SHROOM1: variants seen among roughly 807,000 people sequenced by gnomAD.
SHROOM1 encodes shroom family member 1.
In SHROOM1, 53 loss-of-function variants were observed where a neutral mutation model predicts 64.2. The observed-to-expected ratio is 0.83, with a 90% confidence interval of 0.66 to 1.04. SHROOM1 has a LOEUF of 1.04. Among genes scored for constraint, SHROOM1 ranks in the 50% least tolerant of loss-of-function variants. The pLI is 0.00. For missense variants in SHROOM1, 1,179 were observed against 1,163.2 expected (o/e 1.01, Z -0.20); for synonymous variants, 490 against 518.9 (o/e 0.94, Z 0.76).
rs757180276 is a variant in SHROOM1, at chr5:132,823,723, C to G, written c.1853G>C (p.Arg618Pro). ...AGGGTTTTCAAGCCTTGTCTCCTCC[C>G]GAGGAGCCGGCAGGAGCTGGGTGAA... is the stretch of plus-strand genomic sequence containing the variant. ...FSFTQLLPAP[R>P]EETRLENPAT... Residue 618 changes from arginine to proline, a missense_variant, in exon 8 of 10, where the codon CGG becomes CCG. By Grantham distance (103) the Arg-to-Pro change is moderately radical. Transcript: ENST00000378679. The surrounding 1 kb of genome is among the most constrained non-coding windows in gnomAD (Gnocchi z 4.6). The G allele has an allele frequency of 1.9e-6, 3 of 1,609,420 alleles. No homozygotes were observed. Among genetic ancestry groups the G allele is most frequent in the Admixed American group, 1.7e-5 (1 of 59,428 alleles).
chr5:132,822,616 G>T lies in SHROOM1; in HGVS notation c.*180C>A. The T allele has an allele frequency of 1.6e-6, 1 of 642,934 alleles. No homozygotes were observed. The allele number at this position is 642,934 out of a possible 1,614,324, so 39.8% of individuals were successfully genotyped here. The stretch of plus-strand genomic sequence containing the variant: ...CTGACCTTGTGATCCGCCCGCCTCG[G>T]CCTCCCAAAGTGCTGGGATTACAGG... On this transcript the variant is annotated 3_prime_UTR_variant, in exon 10 of 10. Transcript: ENST00000378679.
intron 1 of SHROOM1, among the ~76,000 whole-genome samples, chr5:132,827,987 G>C (rs1243708232): frequency 6.6e-6 from 1 of 152,130 alleles, no homozygotes; most frequent in Non-Finnish European, 1.5e-5. Context: ...TGAGGCTTGG[G>C]AAAGGGCAGT....
At position 132,824,340 on chromosome 5, in the gene SHROOM1, G is replaced by T; in HGVS notation, c.1321C>A (p.Leu441Ile). 6.2e-7 allele frequency: 1 copy of T among 1,609,300 alleles called. No individual in the cohort carries two copies. Among genetic ancestry groups the T allele is most frequent in the Non-Finnish European group, 8.5e-7 (1 of 1,177,580 alleles). ...CCTGCAGTTCCTGGACACTCATGGA[G>T]CGGGTACTCTGTGGGGACTGTAACC... The part of the protein sequence containing the change: ...GQVTVPTEYP[L>I]HECPGTAGAD... The change falls in exon 7 of 10, where the codon CTC becomes ATC. Residue 441 changes from leucine (L) to isoleucine (I), a missense_variant. Leu to Ile is a conservative substitution (Grantham distance 5). Transcript: ENST00000378679.
rs1758492885 is a variant in SHROOM1 at position 132,822,892 on chromosome 5, C to G, written c.2463G>C (p.Arg821Ser). The G allele has an allele frequency of 6.2e-7, 1 of 1,613,496 alleles. No homozygotes were observed. The highest frequency in any genetic ancestry group is 1.1e-5 in the South Asian group (1 of 91,088). ...ACGGGGCATGATGGCCAAGGTCGTC[C>G]CTGATGGCGTCCAGTTGGTCCTGAA... ...RLLQDQLDAI[R>S]DDLGHHAPSP... The change falls in exon 10 of 10, where the codon AGG becomes AGC. Residue 821 changes from arginine (R) to serine (S), a missense_variant. Transcript: ENST00000378679.
In SHROOM1 at chr5:132,824,066, C is replaced by T. The variant is rs199768056; in HGVS notation, c.1595G>A (p.Gly532Asp). The change falls in exon 7 of 10, where the codon GGT (glycine) becomes GAT (aspartate). Residue 532 changes from glycine to aspartate, a missense_variant. Coordinates refer to ENST00000378679, the MANE Select transcript of SHROOM1 (RefSeq NM_001172700.2). ...CTGACTAGGCCATGTGGGCCTGGAACCAGGCTGGCCAGTGCCCCTGGCTAG... is the reference window on the plus strand; with the variant it reads ...CTGACTAGGCCATGTGGGCCTGGAATCAGGCTGGCCAGTGCCCCTGGCTAG... ...TALARGTGQP[G>D]SRPTWPSQCL... 1 of 1,612,212 alleles carries T rather than the reference C, an allele frequency of 6.2e-7. No individual in the cohort carries two copies. The highest frequency in any genetic ancestry group is 8.5e-7 in the Non-Finnish European group (1 of 1,179,038).
In SHROOM1 at chr5:132,826,087, G is replaced by A; in HGVS notation, c.54C>T (p.Ser18=). ...GDRASPASST[S]SLDLWHLSMR... is the part of the protein sequence containing the mutation. ...TGGACAGATGCCACAGGTCCAGGCTGCTAGTGGACGAGGCCGGGGAGGCGC... is the reference window on the plus strand; with the variant it reads ...TGGACAGATGCCACAGGTCCAGGCTACTAGTGGACGAGGCCGGGGAGGCGC... Residue 18 remains serine (S), a synonymous_variant, in exon 4 of 10, where the codon AGC becomes AGT. Coordinates refer to ENST00000378679, the MANE Select transcript of SHROOM1 (RefSeq NM_001172700.2). 2.1e-6 allele frequency: 3 copies of A among 1,414,026 alleles called. No individual in the cohort carries two copies. The highest frequency in any genetic ancestry group is 2.9e-5 in the Admixed American group (1 of 34,544). The allele number at this position is 1,414,026 out of a possible 1,614,324, so 87.6% of individuals were successfully genotyped here.
Position 132,829,661 on chromosome 5 carries a change from C to T in SHROOM1, c.-501+933G>A, listed in dbSNP as rs893198090. 8.1e-6 allele frequency: 8 copies of T among 985,346 alleles called. No homozygotes were observed. The South Asian group carries it at 2.3e-4, about 29-fold the overall frequency. The allele number at this position is 985,346 out of a possible 1,614,324, so 61.0% of individuals were successfully genotyped here. On this transcript the variant is annotated intron_variant, in intron 1 of 9. Coordinates refer to ENST00000378679, the MANE Select transcript of SHROOM1 (RefSeq NM_001172700.2). ...TGGAGGGGCTATCCAGGCCGCCCCTCCCAGCGGGTCTTCCCTCAGTACTGG... is the reference window on the plus strand; with the variant it reads ...TGGAGGGGCTATCCAGGCCGCCCCTTCCAGCGGGTCTTCCCTCAGTACTGG...
chr5:132,824,881 C>A (rs928009724), intron 5 of SHROOM1, 60 bp from the exon 6 acceptor site: 1 of 1,604,836 alleles, frequency 6.2e-7, no homozygotes, highest in African/African-American at 1.3e-5. Context: ...GGTGTTGCAC[C>A]AGGGAGACAG....
rs1443065359 is a variant in SHROOM1 at position 132,826,009 on chromosome 5, C to T, written c.132G>A (p.Glu44=). 2.0e-6 allele frequency: 3 copies of T among 1,531,920 alleles called. No individual in the cohort carries two copies. The highest frequency in any genetic ancestry group is 2.6e-6 in the Non-Finnish European group (3 of 1,140,226). The allele number at this position is 1,531,920 out of a possible 1,614,324, so 94.9% of individuals were successfully genotyped here. ...SSFSAASGGP[E]PRTQSPGTDL... ...CTGTCCCCGGCGACTGCGTGCGCGG[C>T]TCGGGGCCGCCGGAGGCTGCGGAGA... Residue 44 remains glutamate, a synonymous_variant, in exon 4 of 10, where the codon GAG becomes GAA. Coordinates refer to ENST00000378679, the MANE Select transcript of SHROOM1 (RefSeq NM_001172700.2).
chr5:132,825,834 TC>T lies in SHROOM1; in HGVS notation c.306del (p.Thr103ProfsTer5). The T allele has an allele frequency of 7.9e-7, 1 of 1,260,950 alleles. No individual in the cohort carries two copies. The highest frequency in any genetic ancestry group is 2.8e-4 in the Middle Eastern group (1 of 3,574). 78.1% of individuals were successfully genotyped at this position (1,260,950 alleles called of 1,614,324 possible). Reference protein sequence around the residue: ...RSGPQPTEVPGTPGPLNRQAT... With the variant: ...RSGPQPTEVPXTPGPLNRQAT... Reference sequence around the variant, plus strand: ...GCCTGCCTGTTCAGTGGTCCCGGGGTCCCCGGGACCTCTGTTGGCTGCGGCC... The same window carrying T: ...GCCTGCCTGTTCAGTGGTCCCGGGGTCCCGGGACCTCTGTTGGCTGCGGCC... On this transcript the variant is annotated frameshift_variant, in exon 4 of 10. Transcript: ENST00000378679. LOFTEE classifies it high-confidence loss of function. This position sits in a 1 kb window ranked among gnomAD's most constrained non-coding sequence, Gnocchi z 5.1.
At position 132,825,280 on chromosome 5, in the gene SHROOM1, C is replaced by CA; in HGVS notation, c.860dup (p.Asp288GlyfsTer9). The CA allele has an allele frequency of 1.2e-6, 2 of 1,613,466 alleles. No homozygotes were observed. Among genetic ancestry groups the CA allele is most frequent in the Non-Finnish European group, 1.7e-6 (2 of 1,179,926 alleles). ...CACCGAGCTTCAAGGACCCGGAGTC[C>CA]AGGTTCATGGAGCCTTGGGGTTGCG... On this transcript the variant is annotated frameshift_variant, in exon 4 of 10. Transcript: ENST00000378679. LOFTEE classifies it high-confidence loss of function. This position sits in a 1 kb window ranked among gnomAD's most constrained non-coding sequence, Gnocchi z 5.1.
rs961680373 is a variant in SHROOM1 at position 132,829,808 on chromosome 5, T to C, written c.-501+786A>G. On this transcript the variant is annotated intron_variant, in intron 1 of 9. Transcript: ENST00000378679. ...GACGTTCTGGGAAGTTCACCGGCTCTCCCTGTCCCCAGCGTCCCCCGTTCT... is the reference window on the plus strand; with the variant it reads ...GACGTTCTGGGAAGTTCACCGGCTCCCCCTGTCCCCAGCGTCCCCCGTTCT... 1.9e-5 allele frequency: 19 copies of C among 985,332 alleles called. No homozygotes were observed. The African/African-American group carries it at 3.3e-4, about 17-fold the overall frequency. 61.0% of individuals were successfully genotyped at this position (985,332 alleles called of 1,614,324 possible). A position where few individuals can be genotyped will look rare whatever the true frequency, so the allele number is the denominator to read the frequency against.
At chr5:132,827,346 G>C (rs1758734370) in intron 2 of SHROOM1, 115 bp downstream of exon 2, 1 of 152,578 alleles carries the variant, frequency 6.6e-6, no homozygotes, top group Admixed American at 6.5e-5. Flanking sequence ...GCCGGGTGCA[G>C]TGGCTCACGC....
Position 132,828,143 on chromosome 5 carries a change from CT to C in SHROOM1, c.-500-537del, listed in dbSNP as rs57587407. Among the ~76,000 whole-genome samples, 1,289 of 152,210 alleles carry C rather than the reference CT, an allele frequency of 8.5e-3. 24 individuals are homozygous for C. Among genetic ancestry groups the C allele is most frequent in the African/African-American group, 0.03 (1,241 of 41,502 alleles). On this transcript the variant is annotated intron_variant, in intron 1 of 9. Coordinates refer to ENST00000378679, the MANE Select transcript of SHROOM1 (RefSeq NM_001172700.2). ...CAGGCTTATTTGAGCCTCCTAGACACTATCTGGAGCTCAGAGTCACCCTCCA... is the reference window on the plus strand; with the variant it reads ...CAGGCTTATTTGAGCCTCCTAGACACATCTGGAGCTCAGAGTCACCCTCCA...
chr5:132,822,926 A>T lies in SHROOM1; in HGVS notation c.2429T>A (p.Ile810Asn). 1 of 1,613,092 alleles carries T rather than the reference A, an allele frequency of 6.2e-7. No individual in the cohort carries two copies. Among genetic ancestry groups the T allele is most frequent in the Non-Finnish European group, 8.5e-7 (1 of 1,179,946 alleles). ...LAQQRNLDER[I>N]RLLQDQLDAI... ...GTCCAGTTGGTCCTGAAGGAGGCGG[A>T]TGCGCTCGTCCAGGTTGCGCTGCTG... Residue 810 changes from isoleucine to asparagine, a missense_variant, in exon 10 of 10, where the codon ATC becomes AAC. Coordinates refer to ENST00000378679, the MANE Select transcript of SHROOM1 (RefSeq NM_001172700.2).
In SHROOM1 at chr5:132,826,240, C is replaced by G. The variant is rs546296082; in HGVS notation, c.-43+37G>C. ...AGCTCCGGGTGAGGGCTGGGACAGC[C>G]TGCTGGCCCCGCCACCACGGACGGC... On this transcript the variant is annotated intron_variant, in intron 3 of 9. Transcript: ENST00000378679. 9 of 1,257,574 alleles carry G rather than the reference C, an allele frequency of 7.2e-6. No individual in the cohort carries two copies. In the East Asian group the frequency reaches 2.5e-4, roughly 35 times the overall value. 77.9% of individuals were successfully genotyped at this position (1,257,574 alleles called of 1,614,324 possible). A position where few individuals can be genotyped will look rare whatever the true frequency, so the allele number is the denominator to read the frequency against.
At chr5:132,828,975 G>A (rs1056241836) in intron 1 of SHROOM1, among the ~76,000 whole-genome samples, 6 of 152,220 alleles carry the variant, frequency 3.9e-5, no homozygotes, top group African/African-American at 1.4e-4. Flanking sequence ...GCCAGCCCCT[G>A]TGGCTGGGGG....
At position 132,825,262 on chromosome 5, in the gene SHROOM1, C is replaced by T. The variant is rs1293648304; in HGVS notation, c.879G>A (p.Lys293=). Residue 293 remains lysine (K), a synonymous_variant, in exon 4 of 10, where the codon AAG becomes AAA. Transcript: ENST00000378679. The surrounding 1 kb of genome is among the most constrained non-coding windows in gnomAD (Gnocchi z 5.1). The part of the protein sequence containing the change: ...GSMNLDSGSL[K]LGDAFRPASR... ...TGGCGGGCCTGAAGGCATCACCGAG[C>T]TTCAAGGACCCGGAGTCCAGGTTCA... 6.2e-7 allele frequency: 1 copy of T among 1,613,748 alleles called. No individual in the cohort carries two copies. Among genetic ancestry groups the T allele is most frequent in the Admixed American group, 1.7e-5 (1 of 60,006 alleles).
intron 2 of SHROOM1, 121 bp from the exon 3 acceptor site, chr5:132,826,708 C>G (rs1758715085): frequency 6.6e-6 from 1 of 152,536 alleles, no homozygotes; most frequent in African/African-American, 2.4e-5. Context: ...CCCTCTGTGC[C>G]TGTTATGTTC....
Sources: allele counts gnomAD v4.1 joint callset (sites outside exome capture counted in the v4.1 genomes callset), GRCh38; gene constraint gnomAD v4.1.1; non-coding constraint Gnocchi (gnomAD v3.1); transcripts MANE v1.5; gene names NCBI Gene and HGNC (gene_info 2026-07-23, HGNC 2026-07-21).